The following TCF25 variants were observed in gnomAD, a reference collection of about 807,000 sequenced individuals.
TCF25 encodes the protein ribosome quality control complex subunit TCF25.
Under a neutral mutation model 83.1 loss-of-function variants are expected in TCF25, and 41 were observed. The observed-to-expected ratio is 0.49, with a 90% confidence interval of 0.38 to 0.64. The LOEUF is 0.64. TCF25 is among the 30% of genes least tolerant of loss of function. TCF25 has a pLI of 0.00. For synonymous variants in TCF25, 458 were observed against 365.0 expected (o/e 1.25, Z -2.90); for missense variants, 979 against 914.5 (o/e 1.07, Z -0.91).
rs768237324 is a variant in TCF25, at chr16:89,911,109, G to C, written c.1902G>C (p.Gly634=). The C allele has an allele frequency of 3.2e-5, 52 of 1,611,290 alleles. No homozygotes were observed. In the East Asian group the frequency reaches 1.1e-3, roughly 35 times the overall value. The change falls in exon 18 of 18, where the codon GGG becomes GGC. Residue 634 remains glycine (G), a synonymous_variant. Coordinates refer to ENST00000263346, the MANE Select transcript of TCF25 (RefSeq NM_014972.3). ...EGERPEEGVA[G]GLNRNQGLNR... ...AGAGGCCCGAGGAAGGAGTGGCTGG[G>C]GGTCTGAACCGCAACCAGGGCCTGA...
intron 13 of TCF25, chr16:89,904,435 T>C (rs2044604328): frequency 1.7e-6 from 1 of 585,110 alleles, no homozygotes; most frequent in Admixed American, 3.0e-5. Context: ...ACGAGGCTCA[T>C]ATAAAGAGGG....
chr16:89,893,666 T>C (rs937520484), intron 6 of TCF25, 62 bp from the exon 7 acceptor site: 1 of 1,610,710 alleles, frequency 6.2e-7, no homozygotes, highest in Non-Finnish European at 8.5e-7. Flanking sequence ...GTGAGGGCTG[T>C]GCTCGGAGCT....
intron 3 of TCF25, among the ~76,000 whole-genome samples, 159 bp downstream of exon 3, chr16:89,884,815 CCTGACGCCCTCTCCCTCTGT>C: frequency 6.3e-5 from 6 of 95,534 alleles, no homozygotes; most frequent in Admixed American, 9.4e-5. Context: ...TCTCCCTCTG[CCTGACGCCCTCTCCCTCTGT>C]CTGACGCCCT....
chr16:89,891,510 G>T (rs1234885032), intron 5 of TCF25, among the ~76,000 whole-genome samples: 1 of 152,202 alleles, frequency 6.6e-6, no homozygotes, highest in Non-Finnish European at 1.5e-5. Context: ...CGGCTGCCAC[G>T]CCCCACCTGT....
intron 7 of TCF25, among the ~76,000 whole-genome samples, chr16:89,894,218 G>T (rs181801482): frequency 1.1e-3 from 166 of 151,244 alleles, no homozygotes; most frequent in African/African-American, 4.0e-3. Context: ...CCCGGCCCCC[G>T]TGCAGCCCCC....
In TCF25 at chr16:89,911,217, G is replaced by A. The variant is rs75763326; in HGVS notation, c.2010G>A (p.Glu670=). 1.9e-6 allele frequency: 3 copies of A among 1,612,354 alleles called. No individual in the cohort carries two copies. Among genetic ancestry groups the A allele is most frequent in the Admixed American group, 1.7e-5 (1 of 60,020 alleles). The part of the protein sequence containing the change: ...DLEAPHEDDA[E]GEGEWD Reference sequence around the variant, plus strand: ...AGGCGCCGCACGAGGACGACGCTGAGGGGGAGGGGGAGTGGGACTGAGCGT... The same window carrying A: ...AGGCGCCGCACGAGGACGACGCTGAAGGGGAGGGGGAGTGGGACTGAGCGT... Residue 670 remains glutamate (E), a synonymous_variant, in exon 18 of 18, where the codon GAG becomes GAA. Coordinates refer to ENST00000263346, the MANE Select transcript of TCF25 (RefSeq NM_014972.3).
At chr16:89,896,854 A>G (rs941096010) in intron 9 of TCF25, among the ~76,000 whole-genome samples, 21 of 152,144 alleles carry the variant, frequency 1.4e-4, no homozygotes, top group Middle Eastern at 3.4e-3. Context: ...GCGCCCGGCC[A>G]CTACAGAACA....
At chr16:89,887,598 A>G in intron 4 of TCF25, 54 bp from the exon 5 acceptor site, 1 of 1,489,222 alleles carries the variant, frequency 6.7e-7, no homozygotes, top group Non-Finnish European at 9.0e-7. Context: ...AAGCTTTTGG[A>G]ATCGTCTTAG....
At chr16:89,878,932 C>T (rs1233962217) in intron 1 of TCF25, among the ~76,000 whole-genome samples, 4 of 152,208 alleles carry the variant, frequency 2.6e-5, no homozygotes, top group Admixed American at 6.5e-5. Context: ...TGAGCCACCG[C>T]GCCCAGCCAG....
At chr16:89,901,739 C>T (rs1362264297) in intron 12 of TCF25, among the ~76,000 whole-genome samples, 4 of 11,088 alleles carry the variant, frequency 3.6e-4, no homozygotes, top group African/African-American at 5.5e-4. Flanking sequence ...AGTGAGACTC[C>T]GTCTCAAAAA....
intron 5 of TCF25, among the ~76,000 whole-genome samples, 176 bp downstream of exon 5, chr16:89,887,893 A>G (rs1199569442): frequency 6.6e-6 from 1 of 152,144 alleles, no homozygotes; most frequent in African/African-American, 2.4e-5. Context: ...TCTGTGTATA[A>G]CCTTGTCTGT....
rs376916414 is a variant in TCF25 at position 89,905,035 on chromosome 16, G to A, written c.1567G>A (p.Val523Ile). The A allele has an allele frequency of 1.1e-5, 17 of 1,602,510 alleles. No individual in the cohort carries two copies. The highest frequency in any genetic ancestry group is 9.0e-5 in the East Asian group (4 of 44,382). The change falls in exon 14 of 18, where the codon GTC (valine) becomes ATC (isoleucine). Residue 523 changes from valine (V) to isoleucine (I), a missense_variant. Coordinates refer to ENST00000263346, the MANE Select transcript of TCF25 (RefSeq NM_014972.3). ...PATMSWLEENVHEVLQAVDAG... is the reference protein window; with the variant it reads ...PATMSWLEENIHEVLQAVDAG... The stretch of plus-strand genomic sequence containing the variant: ...CACCATGAGCTGGCTGGAGGAGAAC[G>A]TCCACGAGGTTCTGCAAGCAGTGGA...
Position 89,911,126 on chromosome 16 carries a change from AG to A in TCF25, c.1922del (p.Gly641AlafsTer2), listed in dbSNP as rs1428386981. On this transcript the variant is annotated frameshift_variant, in exon 18 of 18. Transcript: ENST00000263346. LOFTEE classifies it high-confidence loss of function. ...EGVAGGLNRN[Q>X]GLNRLMLAVR... ...GTGGCTGGGGGTCTGAACCGCAACC[AG>A]GGCCTGAACAGGCTGATGCTGGCTG... The A allele has an allele frequency of 1.2e-6, 2 of 1,611,830 alleles. No individual in the cohort carries two copies. Among genetic ancestry groups the A allele is most frequent in the Non-Finnish European group, 1.7e-6 (2 of 1,179,924 alleles).
At chr16:89,891,321 C>T (rs2043410533) in intron 5 of TCF25, among the ~76,000 whole-genome samples, 1 of 152,232 alleles carries the variant, frequency 6.6e-6, no homozygotes, top group Non-Finnish European at 1.5e-5. Context: ...GCGTGTGCTA[C>T]AGGCAGGAGA....
chr16:89,892,088 G>A (rs1567713542), intron 5 of TCF25, 105 bp from the exon 6 acceptor site: 2 of 1,095,392 alleles, frequency 1.8e-6, no homozygotes, highest in East Asian at 2.9e-5. Context: ...TGCCTTCTCT[G>A]CCCCTCAGTT....
chr16:89,897,212 T>C (rs2043931431), intron 9 of TCF25, among the ~76,000 whole-genome samples: 1 of 152,240 alleles, frequency 6.6e-6, no homozygotes, highest in Non-Finnish European at 1.5e-5. Flanking sequence ...AGCCTGACCC[T>C]CGCTCCCCTG....
Position 89,887,635 on chromosome 16 carries a change from A to G in TCF25, c.549-17A>G. On this transcript the variant is annotated splice_polypyrimidine_tract_variant and intron_variant, in intron 4 of 17. Transcript: ENST00000263346. ...ACATAATTTCATGTTTTTTTTCTAC[A>G]ATTTTCAATTCCCCAGACACTTGAA... The G allele has an allele frequency of 6.4e-7, 1 of 1,571,674 alleles. No homozygotes were observed. The highest frequency in any genetic ancestry group is 8.6e-7 in the Non-Finnish European group (1 of 1,165,862).
At chr16:89,896,310 C>T (rs1179277318) in intron 9 of TCF25, among the ~76,000 whole-genome samples, 1 of 152,132 alleles carries the variant, frequency 6.6e-6, no homozygotes, top group African/African-American at 2.4e-5. Context: ...CTGTGGAGGT[C>T]AGAGTGGGAG....
Position 89,896,125 on chromosome 16 carries a change from T to C in TCF25, c.1022+42T>C, listed in dbSNP as rs2043829606. ...TGGAGGTGACGCAGCTCCCCTTCCC[T>C]TCTCCTGCGAGTGAGGCTGGGGGAG... On this transcript the variant is annotated intron_variant, in intron 9 of 17. Transcript: ENST00000263346. The C allele has an allele frequency of 2.5e-6, 4 of 1,587,878 alleles. No individual in the cohort carries two copies. The East Asian group carries it at 6.8e-5, about 27-fold the overall frequency.
Sources: gnomAD v4.1 joint callset for allele counts (sites outside exome capture counted in the v4.1 genomes callset) on GRCh38, gnomAD v4.1.1 for gene constraint, MANE v1.5 for transcripts, NCBI Gene and HGNC (gene_info 2026-07-23, HGNC 2026-07-21) for gene names.